The following TMEM230 variants were observed in gnomAD, a reference collection of about 807,000 sequenced individuals.
TMEM230 encodes the protein transmembrane protein 230.
In TMEM230, 10 loss-of-function variants were observed where a neutral mutation model predicts 15.8. The ratio of observed to expected loss-of-function variants is 0.63; its 90% CI spans 0.39 to 1.07. TMEM230 has a LOEUF of 1.07. Ranked by LOEUF, TMEM230 falls within the 50% of genes least tolerant of loss-of-function variation. TMEM230 has a pLI of 0.01. For missense variants in TMEM230, 165 were observed against 193.3 expected, an observed-to-expected ratio of 0.85 and a Z score of 0.87; for synonymous variants, 67 against 76.9, an observed-to-expected ratio of 0.87 and a Z score of 0.68.
At chr20:5,059,779 T>G in the TMEM230 span, among the ~76,000 whole-genome samples, 334 of 137,088 alleles carry the variant, frequency 2.4e-3, 3 homozygotes, top group African/African-American at 9.0e-3. Context: ...TTTTTTTTTT[T>G]TTTTTTTTTT....
At chr20:5,066,977 C>T (rs1210492303), downstream of TMEM230, among the ~76,000 whole-genome samples, 4 of 152,120 alleles carry the variant, frequency 2.6e-5, no homozygotes, top group East Asian at 7.7e-4. Flanking sequence ...ACCGTCTTAG[C>T]TTGGGTTTAC....
chr20:5,101,045 T>C, intron 4 of TMEM230, 114 bp from the exon 4 acceptor site: 1 of 1,257,018 alleles, frequency 8.0e-7, no homozygotes, highest in Non-Finnish European at 1.1e-6. Context: ...TACTTTTTCT[T>C]TGAGTTGTAT....
chr20:5,102,347 G>A (rs6053112), intron 4 of TMEM230, among the ~76,000 whole-genome samples: 104,303 of 152,080 alleles, frequency 0.69, 36,572 homozygotes, highest in East Asian at 0.85. Context: ...TCTCTTAGCA[G>A]AGAGAAGCCT....
downstream of TMEM230, among the ~76,000 whole-genome samples, chr20:5,096,406 C>T (rs1233024520): frequency 1.3e-5 from 2 of 152,166 alleles, no homozygotes; most frequent in Non-Finnish European, 2.9e-5. Flanking sequence ...AACTACATAC[C>T]TGTGAGGCCA....
chr20:5,062,996 C>G, the TMEM230 span, among the ~76,000 whole-genome samples: 1 of 152,064 alleles, frequency 6.6e-6, no homozygotes, highest in African/African-American at 2.4e-5. Flanking sequence ...TTCTGAGCAC[C>G]ATATTGCCTT....
intron 3 of TMEM230, among the ~76,000 whole-genome samples, chr20:5,086,737 T>C (rs1439803354): frequency 1.3e-5 from 2 of 151,888 alleles, no homozygotes; most frequent in Admixed American, 6.6e-5. Context: ...TCTTGCTCTG[T>C]TGCTCAGAGT....
chr20:5,093,212 AAAG>A (rs1332344204), intron 3 of TMEM230, among the ~76,000 whole-genome samples: 1 of 152,228 alleles, frequency 6.6e-6, no homozygotes, highest in Non-Finnish European at 1.5e-5. Flanking sequence ...CAAAGAAAAA[AAAG>A]AATAAGAAAA....
chr20:5,110,017 G>C (rs1838226267), intron 2 of TMEM230, among the ~76,000 whole-genome samples: 1 of 152,134 alleles, frequency 6.6e-6, no homozygotes, highest in African/African-American at 2.4e-5. Flanking sequence ...GATCTGTAAA[G>C]TTTCTTGCCG....
chr20:5,108,420 C>CAAAAAA (rs556966217), intron 3 of TMEM230, among the ~76,000 whole-genome samples: 2 of 79,862 alleles, frequency 2.5e-5, no homozygotes, highest in Non-Finnish European at 2.9e-5. Flanking sequence ...ACTCCGTCTC[C>CAAAAAA]AAAAAAAAAA....
chr20:5,067,547 G>A (rs182794223), downstream of TMEM230, among the ~76,000 whole-genome samples: 8 of 149,632 alleles, frequency 5.3e-5, no homozygotes, highest in Non-Finnish European at 8.9e-5. Flanking sequence ...GGGTTCAAGC[G>A]ATTCTCCTGC....
At chr20:5,112,026 T>C (rs1317554432) in intron 1 of TMEM230, among the ~76,000 whole-genome samples, 1 of 152,160 alleles carries the variant, frequency 6.6e-6, no homozygotes, top group Non-Finnish European at 1.5e-5. Flanking sequence ...TTTCTATTTT[T>C]AGTAGAGACG....
chr20:5,079,280 G>A (rs891212671), intron 3 of TMEM230, among the ~76,000 whole-genome samples: 2 of 152,092 alleles, frequency 1.3e-5, no homozygotes, highest in African/African-American at 2.4e-5. Flanking sequence ...AAGACAGCAT[G>A]CCTGATTTGT....
chr20:5,066,880 G>C (rs1457611264), downstream of TMEM230, among the ~76,000 whole-genome samples: 1 of 151,886 alleles, frequency 6.6e-6, no homozygotes. Flanking sequence ...CCCACCCCTG[G>C]GGTCCTCAGC....
chr20:5,065,583 G>T (rs1016151459), downstream of TMEM230, among the ~76,000 whole-genome samples: 58 of 152,166 alleles, frequency 3.8e-4, 1 homozygote, highest in Non-Finnish European at 1.8e-4. Context: ...AAGCCAGGGG[G>T]CCAGAGCAGA....
rs113653389 is a variant in TMEM230 at position 5,101,752 on chromosome 20, A to T, written c.412-821T>A. 1.0e-3 allele frequency among the ~76,000 whole-genome samples: 156 copies of T among 152,252 alleles called. 3 individuals carry two copies. The South Asian group carries it at 0.015, about 15-fold the overall frequency. On this transcript the variant is annotated intron_variant, in intron 4 of 4. Coordinates refer to ENST00000342308, the MANE Select transcript of TMEM230 (RefSeq NM_001009923.2). ...TGGCTGTGTTCCCTGTTGTGTGTTA[A>T]TTATAGTCAGAATTGGTTCAAGACA...
At chr20:5,075,545 T>G (rs867597772) in intron 3 of TMEM230, among the ~76,000 whole-genome samples, 1 of 144,464 alleles carries the variant, frequency 6.9e-6, no homozygotes, top group African/African-American at 2.5e-5. Flanking sequence ...GCCAACATGG[T>G]TAAACCCCAT....
downstream of TMEM230, among the ~76,000 whole-genome samples, chr20:5,098,969 G>A (rs2089747701): frequency 6.6e-6 from 1 of 152,002 alleles, no homozygotes; most frequent in Admixed American, 6.6e-5. Context: ...ATGCCCAAAT[G>A]TTTACTTTTC....
At chr20:5,096,220 C>T (rs1465828754), downstream of TMEM230, among the ~76,000 whole-genome samples, 1 of 152,234 alleles carries the variant, frequency 6.6e-6, no homozygotes, top group Non-Finnish European at 1.5e-5. Context: ...TCATCCCAGG[C>T]TCTGCTCCCT....
chr20:5,104,690 A>T (rs1377349454), intron 4 of TMEM230, among the ~76,000 whole-genome samples: 2 of 152,226 alleles, frequency 1.3e-5, no homozygotes, highest in African/African-American at 4.8e-5. Flanking sequence ...CTATTCAGCC[A>T]CTAAAAAGAA....
Sources: gnomAD v4.1 joint callset for allele counts (sites outside exome capture counted in the v4.1 genomes callset) on GRCh38, gnomAD v4.1.1 for gene constraint, MANE v1.5 for transcripts, NCBI Gene and HGNC (gene_info 2026-07-23, HGNC 2026-07-21) for gene names.